PROX2: variants seen among roughly 807,000 people sequenced by gnomAD.
PROX2 encodes the protein prospero homeobox protein 2.
In PROX2, 46 loss-of-function variants were observed where a neutral mutation model predicts 48.9. That is an observed-to-expected ratio of 0.94 (90% CI 0.74 to 1.20). The LOEUF is 1.20. Among genes scored for constraint, PROX2 ranks in the 50% most tolerant of loss-of-function variants. The pLI, the probability that PROX2 is intolerant of heterozygous loss-of-function variation, is 0.00. For missense variants in PROX2, 663 were observed against 719.4 expected (o/e 0.92, Z 0.90); for synonymous variants, 260 against 276.6 (o/e 0.94, Z 0.60).
chr14:74,855,345 T>G (rs755298502), intron 5 of PROX2, 43 bp from the exon 6 acceptor site: 1 of 1,479,292 alleles, frequency 6.8e-7, no homozygotes. Flanking sequence ...AGACGTGAGG[T>G]TGGGAAGCAC....
rs769699240 is a variant in PROX2 at position 74,863,354 on chromosome 14, G to C, written c.481C>G (p.Gln161Glu). 1 of 1,614,048 alleles carries C rather than the reference G, an allele frequency of 6.2e-7. No individual in the cohort carries two copies. Among genetic ancestry groups the C allele is most frequent in the Non-Finnish European group, 8.5e-7 (1 of 1,179,884 alleles). ...LQAAKPRDTA[Q>E]GPGGCGTGKG... ...CCCGTGCCACAGCCTCCTGGCCCCTGAGCTGTGTCCCTGGGCTTGGCAGCC... is the reference window on the plus strand; with the variant it reads ...CCCGTGCCACAGCCTCCTGGCCCCTCAGCTGTGTCCCTGGGCTTGGCAGCC... The change falls in exon 3 of 6, where the codon CAG (glutamine) becomes GAG (glutamate). Residue 161 changes from glutamine (Q) to glutamate (E), a missense_variant. Gln to Glu is a conservative substitution (Grantham distance 29, BLOSUM62 2). Transcript: ENST00000556489.
chr14:74,864,784 A>G (rs6574197), intron 2 of PROX2, among the ~76,000 whole-genome samples: 97,537 of 150,832 alleles, frequency 0.65, 33,461 homozygotes, highest in African/African-American at 0.91. Flanking sequence ...GGAGGTTGCC[A>G]TGAGCCAAGA....
chr14:74,870,586 T>C (rs982951518), intron 2 of PROX2, among the ~76,000 whole-genome samples: 9 of 152,282 alleles, frequency 5.9e-5, no homozygotes, highest in Admixed American at 4.6e-4. Context: ...AAATTTTTAA[T>C]GGATATGTTT....
rs1594857053 is a variant in PROX2 at position 74,855,291 on chromosome 14, G to C, written c.1620C>G (p.Cys540Trp). The C allele has an allele frequency of 1.9e-6, 3 of 1,553,212 alleles. No homozygotes were observed. In the East Asian group the frequency reaches 6.9e-5, roughly 36 times the overall value. ...ACGTCAAGCTGGCAATTTCCAAGAA[G>C]CAATCTGGAACCTGCATTTCCAAAG... ...NKGNDFEVPDCFLEIASLTLQ... is the reference protein window; with the variant it reads ...NKGNDFEVPDWFLEIASLTLQ... Residue 540 changes from cysteine to tryptophan, a missense_variant, in exon 6 of 6, where the codon TGC (cysteine) becomes TGG (tryptophan). Physicochemically the swap from Cys to Trp is radical, Grantham distance 215. Coordinates refer to ENST00000556489, the MANE Select transcript of PROX2 (RefSeq NM_001243007.2).
At position 74,853,756 on chromosome 14, in the gene PROX2, G is replaced by A. The variant is rs66591704; in HGVS notation, c.*1376C>T. ...ATCAGGACTACAAAGCCCGAGCTGTGTATTACCCCCACCCCACCCCACCCG... is the reference window on the plus strand; with the variant it reads ...ATCAGGACTACAAAGCCCGAGCTGTATATTACCCCCACCCCACCCCACCCG... On this transcript the variant is annotated 3_prime_UTR_variant, in exon 6 of 6. Transcript: ENST00000556489. The A allele has an allele frequency of 0.085, 12,934 of 152,086 alleles. 680 individuals are homozygous for A. Among genetic ancestry groups the A allele is most frequent in the South Asian group, 0.25 (1,196 of 4,800 alleles). The allele number at this position is 152,086 out of a possible 1,614,324, so 9.4% of individuals were successfully genotyped here. A position where few individuals can be genotyped will look rare whatever the true frequency, so the allele number is the denominator to read the frequency against.
rs1269881530 is a variant in PROX2 at position 74,876,076 on chromosome 14, G to A, written c.-491C>T. Among the ~76,000 whole-genome samples, 1 of 152,224 alleles carries A rather than the reference G, an allele frequency of 6.6e-6. No individual in the cohort carries two copies. Among genetic ancestry groups the A allele is most frequent in the African/African-American group, 2.4e-5 (1 of 41,448 alleles). ...GCCGGGTGCCCGTGGCTGGGTGAGG[G>A]GAGGCTCTGGCCCCTTCTTAGCACA... On this transcript the variant is annotated 5_prime_UTR_variant, in exon 1 of 6. Coordinates refer to ENST00000556489, the MANE Select transcript of PROX2 (RefSeq NM_001243007.2).
rs201032196 is a variant in PROX2 at position 74,858,454 on chromosome 14, G to A, written c.1366C>T (p.Arg456Ter). The A allele has an allele frequency of 3.3e-5, 53 of 1,586,234 alleles. No individual in the cohort carries two copies. The highest frequency in any genetic ancestry group is 5.4e-5 in the African/African-American group (4 of 74,498). The part of the protein sequence containing the change: ...KKAKLMFFFT[R>*]YPSSNLLKVY... Reference sequence around the variant, plus strand: ...TTCAGGAGGTTGGAGCTGGGATATCGTGTGAAGAAAAACATTAGTTTGGCC... The same window carrying A: ...TTCAGGAGGTTGGAGCTGGGATATCATGTGAAGAAAAACATTAGTTTGGCC... Residue 456 changes from arginine (R) to a stop codon, truncating the protein, a stop_gained, in exon 4 of 6, where the codon CGA becomes TGA. Coordinates refer to ENST00000556489, the MANE Select transcript of PROX2 (RefSeq NM_001243007.2). LOFTEE classifies it high-confidence loss of function.
In PROX2 at chr14:74,854,380, G is replaced by A. The variant is rs769246547; in HGVS notation, c.*752C>T. The A allele has an allele frequency of 2.2e-5, 7 of 313,080 alleles. No homozygotes were observed. Among genetic ancestry groups the A allele is most frequent in the East Asian group, 2.0e-4 (2 of 9,932 alleles). 19.4% of individuals were successfully genotyped at this position (313,080 alleles called of 1,614,324 possible). A position where few individuals can be genotyped will look rare whatever the true frequency, so the allele number is the denominator to read the frequency against. On this transcript the variant is annotated 3_prime_UTR_variant, in exon 6 of 6. Coordinates refer to ENST00000556489, the MANE Select transcript of PROX2 (RefSeq NM_001243007.2). Reference sequence around the variant, plus strand: ...TGCTGGGCAGGAGTTGTCAGGTGACGGTGCCCTGTCAGCGCTGGATGCTTA... The same window carrying A: ...TGCTGGGCAGGAGTTGTCAGGTGACAGTGCCCTGTCAGCGCTGGATGCTTA...
At chr14:74,861,273 A>C in intron 3 of PROX2, 7 of 1,323,584 alleles carry the variant, frequency 5.3e-6, no homozygotes, top group Non-Finnish European at 7.0e-6. Context: ...TGCACACAAG[A>C]AGCAGCAGCG....
chr14:74,856,031 G>C (rs2091740176), intron 5 of PROX2: 1 of 152,272 alleles, frequency 6.6e-6, no homozygotes, highest in Non-Finnish European at 1.5e-5. Context: ...GATGACCACA[G>C]TTCTTGTATT....
At chr14:74,869,175 A>G (rs182911712) in intron 2 of PROX2, among the ~76,000 whole-genome samples, 1 of 152,318 alleles carries the variant, frequency 6.6e-6, no homozygotes, top group African/African-American at 2.4e-5. Context: ...ATATTGCATC[A>G]AAGGCTGAGA....
chr14:74,868,830 C>T (rs780401030), intron 2 of PROX2, among the ~76,000 whole-genome samples: 3 of 107,730 alleles, frequency 2.8e-5, no homozygotes, highest in East Asian at 2.4e-4. Context: ...AGCGAGACTC[C>T]GTCTCAAAAA....
Position 74,863,819 on chromosome 14 carries a change from T to TG in PROX2, c.15dup (p.Ile6HisfsTer31). 6.6e-7 allele frequency: 1 copy of TG among 1,505,468 alleles called. No homozygotes were observed. Among genetic ancestry groups the TG allele is most frequent in the Non-Finnish European group, 8.8e-7 (1 of 1,132,022 alleles). 93.3% of individuals were successfully genotyped at this position (1,505,468 alleles called of 1,614,324 possible). On this transcript the variant is annotated frameshift_variant, in exon 3 of 6. Transcript: ENST00000556489. LOFTEE classifies it high-confidence loss of function. ...ATCTGGGGCTGAGGAGAAAGCAAGA[T>TG]GGAGTTTGGATCCATCCCAGGCACT...
At chr14:74,874,777 C>T (rs748293335) in intron 1 of PROX2, among the ~76,000 whole-genome samples, 2 of 152,202 alleles carry the variant, frequency 1.3e-5, no homozygotes, top group African/African-American at 2.4e-5. Flanking sequence ...ATACAAAAGA[C>T]TACTATCTAC....
At chr14:74,867,893 G>A (rs1387790529) in intron 2 of PROX2, among the ~76,000 whole-genome samples, 1 of 152,178 alleles carries the variant, frequency 6.6e-6, no homozygotes, top group Non-Finnish European at 1.5e-5. Flanking sequence ...AATCCAGCCA[G>A]ACTCCACTGT....
intron 2 of PROX2, among the ~76,000 whole-genome samples, chr14:74,866,155 G>A (rs908630163): frequency 2.0e-5 from 3 of 152,018 alleles, no homozygotes; most frequent in African/African-American, 7.2e-5. Flanking sequence ...CTACTTGGGA[G>A]GCTGAGGCAG....
rs758378027 is a variant in PROX2 at position 74,862,735 on chromosome 14, G to A, written c.1100C>T (p.Ser367Leu). Residue 367 changes from serine (S) to leucine (L), a missense_variant, in exon 3 of 6, where the codon TCA (serine) becomes TTA (leucine). Ser to Leu is a moderately radical substitution (Grantham distance 145). Transcript: ENST00000556489. ...TGAGGAGGGGTGCCTCTGGGAAGAT[G>A]AGTCCTGGGGAGGACTGCTACTCCA... ...GHWSSSPPQD[S>L]SSQRHPSSEP... The A allele has an allele frequency of 8.1e-6, 13 of 1,613,962 alleles. No homozygotes were observed. Among genetic ancestry groups the A allele is most frequent in the Non-Finnish European group, 1.1e-5 (13 of 1,179,856 alleles).
rs1184798664 is a variant in PROX2 at position 74,868,330 on chromosome 14, TA to T, written c.-175+2772del. On this transcript the variant is annotated intron_variant, in intron 2 of 5. Coordinates refer to ENST00000556489, the MANE Select transcript of PROX2 (RefSeq NM_001243007.2). ...TCTCGTAATTATATATATATATATA[TA>T]TATATATATATATATATATATATAT... 4.3e-5 allele frequency among the ~76,000 whole-genome samples: 5 copies of T among 115,860 alleles called. No homozygotes were observed. The South Asian group carries it at 1.0e-3, about 24-fold the overall frequency. 76.0% of individuals were successfully genotyped at this position (115,860 alleles called of 152,430 possible).
In PROX2 at chr14:74,862,875, C is replaced by G. The variant is rs772328345; in HGVS notation, c.960G>C (p.Met320Ile). 2 of 1,613,808 alleles carry G rather than the reference C, an allele frequency of 1.2e-6. No individual in the cohort carries two copies. Among genetic ancestry groups the G allele is most frequent in the Non-Finnish European group, 1.7e-6 (2 of 1,179,816 alleles). ...GGGGATCCTGACAGGGTTTGGGGGTCATTCTTGGAGGGATAGGGTACCTAG... is the reference window on the plus strand; with the variant it reads ...GGGGATCCTGACAGGGTTTGGGGGTGATTCTTGGAGGGATAGGGTACCTAG... The part of the protein sequence containing the change: ...DSPRYPIPPR[M>I]TPKPCQDPPA... The change falls in exon 3 of 6, where the codon ATG (methionine) becomes ATC (isoleucine). Residue 320 changes from methionine (M) to isoleucine (I), a missense_variant. Met to Ile is a conservative substitution (Grantham distance 10). Coordinates refer to ENST00000556489, the MANE Select transcript of PROX2 (RefSeq NM_001243007.2).
Sources: gnomAD v4.1 joint callset for allele counts (sites outside exome capture counted in the v4.1 genomes callset) on GRCh38, gnomAD v4.1.1 for gene constraint, MANE v1.5 for transcripts, NCBI Gene and HGNC (gene_info 2026-07-23, HGNC 2026-07-21) for gene names.